Variants in ATG4A observed in about 807,000 individuals in gnomAD.
ATG4A encodes cysteine protease ATG4A.
ATG4A carries 22 observed loss-of-function variants against 38.4 expected under a neutral mutation model. That is an observed-to-expected ratio of 0.57 (90% CI 0.41 to 0.82). The LOEUF (loss-of-function observed/expected upper bound fraction) is 0.82, where lower values mean the gene tolerates loss of function less well. ATG4A is among the 40% of genes least tolerant of loss of function. The pLI is 0.00. For missense variants in ATG4A, 220 were observed against 290.0 expected (o/e 0.76, Z 1.75); for synonymous variants, 86 against 100.7 (o/e 0.85, Z 0.88).
intron 9 of ATG4A, among the ~76,000 whole-genome samples, chrX:108,149,820 C>T (rs761641269): frequency 3.6e-5 from 4 of 112,447 alleles, no homozygotes; most frequent in South Asian, 3.7e-4. Flanking sequence ...CTGGTGACTC[C>T]ACCTACCGCC....
intron 1 of ATG4A, among the ~76,000 whole-genome samples, chrX:108,121,689 C>T (rs1370651532): frequency 9.0e-6 from 1 of 111,727 alleles, no homozygotes; most frequent in Non-Finnish European, 1.9e-5. Context: ...GTATTTATTT[C>T]CTTTTCTTTC....
chrX:108,103,309 A>C (rs2032074008), intron 1 of ATG4A, among the ~76,000 whole-genome samples: 1 of 111,577 alleles, frequency 9.0e-6, no homozygotes, highest in Non-Finnish European at 1.9e-5. Context: ...GTGTGCTAGC[A>C]CCATTTGTTG....
At chrX:108,143,511 C>T (rs981996755) in intron 9 of ATG4A, among the ~76,000 whole-genome samples, 1 of 111,613 alleles carries the variant, frequency 9.0e-6, no homozygotes, top group African/African-American at 3.3e-5. Context: ...TTTCTTACCT[C>T]CATTGTGGGG....
At position 108,153,891 on chromosome X, in the gene ATG4A, TGACAG is replaced by T; in HGVS notation, c.*180_*184del. 2.5e-6 allele frequency: 1 copy of T among 397,583 alleles called. No individual in the cohort carries two copies. Among genetic ancestry groups the T allele is most frequent in the South Asian group, 4.6e-5 (1 of 21,624 alleles). 32.8% of individuals were successfully genotyped at this position (397,583 alleles called of 1,213,427 possible). A position where few individuals can be genotyped will look rare whatever the true frequency, so the allele number is the denominator to read the frequency against. ...GAAAAACAAAACAAAACAAAACAAA[TGACAG>T]TAACCCTTCCCCGGAAAGAAATAGA... On this transcript the variant is annotated 3_prime_UTR_variant, in exon 13 of 13. Coordinates refer to ENST00000372232, the MANE Select transcript of ATG4A (RefSeq NM_052936.5).
At chrX:108,092,651 T>G (rs1222790460) in intron 1 of ATG4A, among the ~76,000 whole-genome samples, 2 of 112,775 alleles carry the variant, frequency 1.8e-5, no homozygotes, top group Non-Finnish European at 3.7e-5. Flanking sequence ...GGTACTTTTA[T>G]GACAAAAGAG....
At chrX:108,101,285 T>A (rs953794154) in intron 1 of ATG4A, among the ~76,000 whole-genome samples, 1 of 110,253 alleles carries the variant, frequency 9.1e-6, no homozygotes, top group Non-Finnish European at 1.9e-5. Flanking sequence ...CCTATCTTTT[T>A]TATTTGTCAG....
chrX:108,088,874 C>T (rs2031530019), upstream of ATG4A: 1 of 1,089,837 alleles, frequency 9.2e-7, no homozygotes, highest in African/African-American at 1.9e-5. Context: ...GTAATAGAAA[C>T]ATTCTTGAAA....
At chrX:108,125,091 G>C (rs767142044) in intron 1 of ATG4A, among the ~76,000 whole-genome samples, 2 of 111,336 alleles carry the variant, frequency 1.8e-5, no homozygotes, top group East Asian at 5.6e-4. Context: ...GATTAAAATA[G>C]GTTTTGTGGA....
chrX:108,119,843 T>C (rs974860984), intron 1 of ATG4A, among the ~76,000 whole-genome samples: 2 of 112,390 alleles, frequency 1.8e-5, no homozygotes, highest in African/African-American at 6.5e-5. Context: ...TTTGATTAAA[T>C]ATTTTCATGG....
intron 1 of ATG4A, among the ~76,000 whole-genome samples, chrX:108,106,130 A>C (rs2032164549): frequency 9.0e-6 from 1 of 110,824 alleles, no homozygotes; most frequent in Non-Finnish European, 1.9e-5. Context: ...ATTTTCATTC[A>C]GTTCAAGGTA....
intron 1 of ATG4A, among the ~76,000 whole-genome samples, chrX:108,114,321 T>A (rs56128006): frequency 0.35 from 38,615 of 110,632 alleles, 5,313 homozygotes; most frequent in Non-Finnish European, 0.42. Flanking sequence ...TACGGCCCTG[T>A]GGAGAAGGTA....
In ATG4A at chrX:108,131,463, T is replaced by A. The variant is rs143700481; in HGVS notation, c.292+105T>A. 5 of 787,774 alleles carry A rather than the reference T, an allele frequency of 6.3e-6. No homozygotes were observed. The Middle Eastern group carries it at 1.2e-3, about 190-fold the overall frequency. The allele number at this position is 787,774 out of a possible 1,213,427, so 64.9% of individuals were successfully genotyped here. A position where few individuals can be genotyped will look rare whatever the true frequency, so the allele number is the denominator to read the frequency against. The stretch of plus-strand genomic sequence containing the variant: ...GCCTTGGGAACACTCAGTAACAAAC[T>A]TGAGGGTCTTAAAATGCTCTCTGCA... On this transcript the variant is annotated intron_variant, in intron 4 of 12. Transcript: ENST00000372232.
In ATG4A at chrX:108,126,961, G is replaced by A. The variant is rs1013376214; in HGVS notation, c.121+774G>A. 12 of 288,417 alleles carry A rather than the reference G, an allele frequency of 4.2e-5. No homozygotes were observed. In the East Asian group the frequency reaches 8.3e-4, roughly 20 times the overall value. The allele number at this position is 288,417 out of a possible 1,213,427, so 23.8% of individuals were successfully genotyped here. On this transcript the variant is annotated intron_variant, in intron 2 of 12. Coordinates refer to ENST00000372232, the MANE Select transcript of ATG4A (RefSeq NM_052936.5). ...GGAACAGGAAGAGGCTGATGAAAAGGCAGGAGAGGAAGTTAGGCATTGTGG... is the reference window on the plus strand; with the variant it reads ...GGAACAGGAAGAGGCTGATGAAAAGACAGGAGAGGAAGTTAGGCATTGTGG...
chrX:108,126,777 C>T, intron 2 of ATG4A: 1 of 980,548 alleles, frequency 1.0e-6, no homozygotes, highest in South Asian at 2.0e-5. Flanking sequence ...TCTTCCTTAC[C>T]ATTACATTCT....
chrX:108,109,893 T>C (rs764732861), intron 1 of ATG4A, among the ~76,000 whole-genome samples: 80 of 111,658 alleles, frequency 7.2e-4, no homozygotes, highest in Non-Finnish European at 1.3e-3. Context: ...TCTTTTGAAA[T>C]TGGGAAGTTT....
At chrX:108,140,939 T>TATATAC (rs1237397961) in intron 9 of ATG4A, among the ~76,000 whole-genome samples, 1 of 40,746 alleles carries the variant, frequency 2.5e-5, no homozygotes, top group African/African-American at 8.1e-5. Flanking sequence ...TATATATACA[T>TATATAC]ATATATACAC....
At chrX:108,135,489 T>C (rs2033074173) in intron 6 of ATG4A, among the ~76,000 whole-genome samples, 1 of 111,863 alleles carries the variant, frequency 8.9e-6, no homozygotes, top group Admixed American at 9.4e-5. Flanking sequence ...CCTGGATTTT[T>C]TGGGGACCCA....
chrX:108,131,548 GT>G (rs1322619326), intron 4 of ATG4A, among the ~76,000 whole-genome samples, 190 bp downstream of exon 4: 1 of 112,020 alleles, frequency 8.9e-6, no homozygotes, highest in Non-Finnish European at 1.9e-5. Context: ...AACAGCTAAT[GT>G]TTCCTTGTGA....
intron 1 of ATG4A, among the ~76,000 whole-genome samples, chrX:108,095,870 C>T (rs970630324): frequency 6.4e-5 from 7 of 110,059 alleles, no homozygotes; most frequent in African/African-American, 2.0e-4. Context: ...ACCTCCGTGC[C>T]GGCTAATTTT....
Sources: allele counts gnomAD v4.1 joint callset (sites outside exome capture counted in the v4.1 genomes callset), GRCh38; gene constraint gnomAD v4.1.1; transcripts MANE v1.5; gene names NCBI Gene and HGNC (gene_info 2026-07-23, HGNC 2026-07-21).